FAM149B1: variants seen among roughly 807,000 people sequenced by gnomAD.
FAM149B1 encodes the protein family with sequence similarity 149 member B1.
FAM149B1 carries 56 observed loss-of-function variants against 75.3 expected under a neutral mutation model. The observed-to-expected ratio is 0.74, with a 90% confidence interval of 0.60 to 0.93. The LOEUF (loss-of-function observed/expected upper bound fraction) is 0.93. Ranked by LOEUF, FAM149B1 falls within the 40% of genes least tolerant of loss-of-function variation. FAM149B1 has a pLI of 0.00. For synonymous variants in FAM149B1, 259 were observed against 256.1 expected, an observed-to-expected ratio of 1.01 and a Z score of -0.11; for missense variants, 639 against 708.4, an observed-to-expected ratio of 0.90 and a Z score of 1.11.
rs1451336394 is a variant in FAM149B1, at chr10:73,241,003, C to G, written c.1733C>G (p.Thr578Ser). ...SQSGGRPVSR[T>S]RQGP ...AGCGGAGGCAGACCAGTCTCTCGAA[C>G]CAGGCAGGGACCATAAGGCAAATGA... is the stretch of plus-strand genomic sequence containing the variant. The change falls in exon 14 of 14, where the codon ACC becomes AGC. Residue 578 changes from threonine to serine, a missense_variant. Physicochemically the swap from Thr to Ser is moderately conservative, Grantham distance 58. Coordinates refer to ENST00000242505, the MANE Select transcript of FAM149B1 (RefSeq NM_173348.2). The G allele has an allele frequency of 6.5e-7, 1 of 1,541,124 alleles. No homozygotes were observed. Among genetic ancestry groups the G allele is most frequent in the Admixed American group, 2.0e-5 (1 of 50,956 alleles).
intron 7 of FAM149B1, among the ~76,000 whole-genome samples, chr10:73,221,656 A>G (rs1290433071): frequency 1.3e-5 from 2 of 151,574 alleles, no homozygotes; most frequent in Admixed American, 6.6e-5. Flanking sequence ...AGTTTGTTTA[A>G]CTTCATAGAT....
intron 3 of FAM149B1, among the ~76,000 whole-genome samples, chr10:73,191,336 CTTTT>C (rs1344368813): frequency 8.1e-6 from 1 of 124,056 alleles, no homozygotes; most frequent in Non-Finnish European, 1.7e-5. Flanking sequence ...CCGCCTTGGC[CTTTT>C]TTTTTTTTTT....
chr10:73,238,062 T>G (rs2043862115), intron 12 of FAM149B1, among the ~76,000 whole-genome samples: 1 of 152,182 alleles, frequency 6.6e-6, no homozygotes, highest in Non-Finnish European at 1.5e-5. Context: ...ATGCTAGCTG[T>G]GAGCCGGCTG....
chr10:73,240,918 A>G (rs1343818395), intron 13 of FAM149B1, 28 bp from the exon 14 acceptor site: 2 of 1,340,280 alleles, frequency 1.5e-6, no homozygotes, highest in Admixed American at 2.0e-5. Context: ...TAGACTGTCT[A>G]CTAATGTTAC....
At chr10:73,236,467 G>C (rs1264101395) in intron 12 of FAM149B1, among the ~76,000 whole-genome samples, 1 of 148,706 alleles carries the variant, frequency 6.7e-6, no homozygotes, top group Non-Finnish European at 1.5e-5. Flanking sequence ...AGGGTGGAGT[G>C]TAATGGCGCA....
chr10:73,239,238 C>A, intron 12 of FAM149B1, 74 bp from the exon 13 acceptor site: 1 of 1,276,664 alleles, frequency 7.8e-7, no homozygotes, highest in South Asian at 1.3e-5. Context: ...TCAAGGTGTT[C>A]CTGTGAACCT....
chr10:73,215,911 G>T (rs948978617), intron 7 of FAM149B1, among the ~76,000 whole-genome samples: 1 of 152,210 alleles, frequency 6.6e-6, no homozygotes, highest in African/African-American at 2.4e-5. Context: ...TTCTGTAAAT[G>T]TTAAGTCCAT....
intron 3 of FAM149B1, among the ~76,000 whole-genome samples, chr10:73,184,614 C>CA (rs2042475010): frequency 1.3e-5 from 2 of 152,082 alleles, no homozygotes; most frequent in Admixed American, 1.3e-4. Flanking sequence ...TATAAATCAA[C>CA]AACATACAGT....
rs2043750172 is a variant in FAM149B1 at position 73,233,167 on chromosome 10, G to A, written c.1352+4G>A. ...AAATCCTCAGAGGAGCCCGAGTGTA[G>A]GTTTCAAAAGCAGAACTTCTGGAAA... On this transcript the variant is annotated splice_donor_region_variant and intron_variant, in intron 10 of 13. Transcript: ENST00000242505. The A allele has an allele frequency of 3.9e-6, 6 of 1,545,126 alleles. No homozygotes were observed. Among genetic ancestry groups the A allele is most frequent in the Non-Finnish European group, 5.3e-6 (6 of 1,141,386 alleles).
chr10:73,213,495 G>A (rs113351639), intron 7 of FAM149B1, among the ~76,000 whole-genome samples: 3 of 152,010 alleles, frequency 2.0e-5, no homozygotes, highest in Non-Finnish European at 4.4e-5. Flanking sequence ...TTTTGTATAC[G>A]GTGAGAGGTA....
At chr10:73,224,966 T>C (rs1238634635) in intron 7 of FAM149B1, among the ~76,000 whole-genome samples, 3 of 152,174 alleles carry the variant, frequency 2.0e-5, no homozygotes, top group African/African-American at 4.8e-5. Context: ...GATGGTCTCA[T>C]AAGATTATAA....
intron 1 of FAM149B1, among the ~76,000 whole-genome samples, chr10:73,171,819 G>A (rs1467097181): frequency 6.6e-6 from 1 of 151,836 alleles, no homozygotes; most frequent in Non-Finnish European, 1.5e-5. Context: ...TAGTAGAGAC[G>A]GGGTTTCACC....
At chr10:73,233,551 C>G (rs950195675) in intron 10 of FAM149B1, among the ~76,000 whole-genome samples, 3 of 152,064 alleles carry the variant, frequency 2.0e-5, no homozygotes, top group Non-Finnish European at 4.4e-5. Flanking sequence ...GTCATGTTGC[C>G]CAGGCTGGTT....
intron 2 of FAM149B1, among the ~76,000 whole-genome samples, chr10:73,175,200 AAAAT>A (rs1843894360): frequency 6.6e-6 from 1 of 152,242 alleles, no homozygotes; most frequent in African/African-American, 2.4e-5. Context: ...TCTCTACAAA[AAAAT>A]AAATAAATAA....
chr10:73,176,031 T>C (rs1405054369), intron 2 of FAM149B1, among the ~76,000 whole-genome samples: 2 of 152,160 alleles, frequency 1.3e-5, no homozygotes, highest in Non-Finnish European at 2.9e-5. Context: ...TTTTACATTG[T>C]AATATATGAT....
intron 7 of FAM149B1, among the ~76,000 whole-genome samples, chr10:73,211,439 T>G (rs934840912): frequency 1.3e-5 from 2 of 152,232 alleles, no homozygotes; most frequent in African/African-American, 4.8e-5. Flanking sequence ...TTAGGAGCTA[T>G]GTGCCTCAAC....
intron 7 of FAM149B1, among the ~76,000 whole-genome samples, chr10:73,226,948 A>G (rs910088438): frequency 5.3e-5 from 8 of 152,252 alleles, no homozygotes; most frequent in Non-Finnish European, 1.5e-5. Flanking sequence ...CAGTAGGGCT[A>G]CATGGTCTGT....
At chr10:73,192,199 C>CTTTTTTTTT (rs35023018) in intron 3 of FAM149B1, 1 of 113,262 alleles carries the variant, frequency 8.8e-6, no homozygotes, top group African/African-American at 4.3e-5. Context: ...CACGCCTGGC[C>CTTTTTTTTT]TTTTTTTTTT....
At chr10:73,231,852 A>C (rs1763725264) in intron 9 of FAM149B1, among the ~76,000 whole-genome samples, 2 of 152,134 alleles carry the variant, frequency 1.3e-5, no homozygotes, top group South Asian at 4.1e-4. Flanking sequence ...AGAAGTTCAT[A>C]GAACAAAATA....
Sources: allele counts gnomAD v4.1 joint callset (sites outside exome capture counted in the v4.1 genomes callset), GRCh38; gene constraint gnomAD v4.1.1; transcripts MANE v1.5; gene names NCBI Gene and HGNC (gene_info 2026-07-23, HGNC 2026-07-21).